Variants in ZNF678 observed in about 807,000 individuals in gnomAD.
ZNF678 encodes the protein hypothetical protein MGC42493.
Under a neutral mutation model 3.0 loss-of-function variants are expected in ZNF678, and 5 were observed. The ratio of observed to expected loss-of-function variants is 1.69; its 90% confidence interval spans 0.88 to 3.56. The LOEUF is 3.56. Ranked by LOEUF, ZNF678 falls within the 30% of genes most tolerant of loss-of-function variation. The probability of loss-of-function intolerance (pLI) is 0.00; values close to 1 mark genes in which losing one functional copy is unlikely to be tolerated. For missense variants in ZNF678, 593 were observed against 605.0 expected (o/e 0.98, Z 0.21); for synonymous variants, 218 against 199.6 (o/e 1.09, Z -0.78).
chr1:227,602,236 G>C (rs773910123), intron 1 of ZNF678, among the ~76,000 whole-genome samples: 46 of 152,152 alleles, frequency 3.0e-4, no homozygotes, highest in Non-Finnish European at 5.3e-4. Context: ...TGCTGAATTT[G>C]ATAATTTGCC....
intron 1 of ZNF678, among the ~76,000 whole-genome samples, chr1:227,572,503 G>T (rs1656873702): frequency 6.6e-6 from 1 of 152,220 alleles, no homozygotes; most frequent in Non-Finnish European, 1.5e-5. Context: ...AGCAAAGGAG[G>T]TCGGTAAGGG....
At chr1:227,674,189 T>A (rs1436587543) in intron 5 of ZNF678, among the ~76,000 whole-genome samples, 1 of 152,234 alleles carries the variant, frequency 6.6e-6, no homozygotes, top group Non-Finnish European at 1.5e-5. Flanking sequence ...GGTGGTGGTT[T>A]AAGCCTTTAG....
intron 5 of ZNF678, among the ~76,000 whole-genome samples, chr1:227,669,541 C>A (rs1005157833): frequency 1.3e-5 from 2 of 151,408 alleles, no homozygotes; most frequent in Non-Finnish European, 2.9e-5. Flanking sequence ...CCCAGCTACT[C>A]AGGAGGCTGA....
intron 1 of ZNF678, chr1:227,599,077 T>G (rs1464769179): frequency 2.1e-5 from 33 of 1,597,520 alleles, no homozygotes; most frequent in Non-Finnish European, 2.8e-5. Context: ...TTGTTGGCCC[T>G]GAAGACTGGA....
chr1:227,579,849 T>G (rs1042765465), intron 1 of ZNF678, among the ~76,000 whole-genome samples: 4 of 152,168 alleles, frequency 2.6e-5, no homozygotes, highest in African/African-American at 4.8e-5. Context: ...CCTGGGCTGC[T>G]AAAGTCTCCT....
At chr1:227,606,454 G>A (rs1413966726) in intron 1 of ZNF678, among the ~76,000 whole-genome samples, 2 of 152,176 alleles carry the variant, frequency 1.3e-5, no homozygotes, top group African/African-American at 4.8e-5. Flanking sequence ...GCCACAGGGC[G>A]GTTTTCTCCT....
intron 1 of ZNF678, among the ~76,000 whole-genome samples, chr1:227,583,401 G>C (rs930169145): frequency 2.1e-5 from 3 of 143,876 alleles, no homozygotes; most frequent in African/African-American, 7.8e-5. Context: ...GCCCAGGCTG[G>C]AGTGCAGTGG....
intron 1 of ZNF678, among the ~76,000 whole-genome samples, chr1:227,619,377 A>G (rs1364188960): frequency 6.6e-6 from 1 of 152,318 alleles, no homozygotes; most frequent in South Asian, 2.1e-4. Flanking sequence ...CAGTTGCTCG[A>G]AAGTATAGTT....
intron 1 of ZNF678, among the ~76,000 whole-genome samples, chr1:227,589,027 A>G (rs531728461): frequency 4.6e-5 from 7 of 150,996 alleles, no homozygotes; most frequent in Non-Finnish European, 8.8e-5. Context: ...TTCCTTGTAG[A>G]CTCTGAATAT....
intron 1 of ZNF678, among the ~76,000 whole-genome samples, chr1:227,642,485 T>C (rs1266560116): frequency 6.6e-6 from 1 of 152,164 alleles, no homozygotes; most frequent in East Asian, 1.9e-4. Context: ...ACATGTGAAC[T>C]CTTACTAGAG....
chr1:227,579,927 C>G (rs1358300837), intron 1 of ZNF678, among the ~76,000 whole-genome samples: 1 of 152,182 alleles, frequency 6.6e-6, no homozygotes, highest in Non-Finnish European at 1.5e-5. Context: ...GCTTCTTTAT[C>G]AAACCCTTTG....
At chr1:227,599,655 A>T (rs1465098030) in intron 1 of ZNF678, among the ~76,000 whole-genome samples, 5 of 151,754 alleles carry the variant, frequency 3.3e-5, no homozygotes, top group African/African-American at 4.8e-5. Context: ...CTATTAGAGA[A>T]TTTTTTTTTC....
At chr1:227,640,320 G>A (rs1658787848) in intron 1 of ZNF678, among the ~76,000 whole-genome samples, 1 of 152,076 alleles carries the variant, frequency 6.6e-6, no homozygotes, top group Non-Finnish European at 1.5e-5. Context: ...CTGGGAAGAT[G>A]GCTGAGAAGA....
intron 1 of ZNF678, among the ~76,000 whole-genome samples, chr1:227,596,658 G>C (rs1426420225): frequency 6.6e-6 from 1 of 152,192 alleles, no homozygotes; most frequent in Non-Finnish European, 1.5e-5. Context: ...TCCCTTAGCT[G>C]TAGGTGTGCA....
intron 1 of ZNF678, among the ~76,000 whole-genome samples, chr1:227,608,519 A>G (rs1160584339): frequency 6.6e-6 from 1 of 152,148 alleles, no homozygotes; most frequent in African/African-American, 2.4e-5. Flanking sequence ...TACATATTAA[A>G]AATCATCACA....
rs201696778 is a variant in ZNF678 at position 227,650,953 on chromosome 1, T to C, written c.-36-3T>C. On this transcript the variant is annotated splice_polypyrimidine_tract_variant and splice_region_variant and intron_variant, in intron 2 of 3. Transcript: ENST00000343776. ...AATTTTCTTGCCTAATTGTTCTGTC[T>C]AGGACTTCCAGGACTATGTTAAAAT... is the stretch of plus-strand genomic sequence containing the variant. The C allele has an allele frequency of 1.9e-4, 298 of 1,606,912 alleles. 1 individual carries two copies. In the Middle Eastern group the frequency reaches 2.9e-3, roughly 16 times the overall value.
intron 3 of ZNF678, among the ~76,000 whole-genome samples, chr1:227,653,924 C>T (rs1659149134): frequency 6.6e-6 from 1 of 152,014 alleles, no homozygotes; most frequent in Admixed American, 6.6e-5. Flanking sequence ...CCCTAAAAGC[C>T]AGAAGTATGG....
chr1:227,654,171 A>G (rs540757785), intron 3 of ZNF678, among the ~76,000 whole-genome samples, 165 bp from the exon 4 acceptor site: 1 of 152,150 alleles, frequency 6.6e-6, no homozygotes, highest in Admixed American at 6.6e-5. Context: ...CATTTTGGTC[A>G]GTATATTTTT....
At chr1:227,667,639 C>G (rs568947063) in intron 5 of ZNF678, among the ~76,000 whole-genome samples, 2 of 152,258 alleles carry the variant, frequency 1.3e-5, no homozygotes, top group South Asian at 2.1e-4. Flanking sequence ...TAAGCAAGAT[C>G]AAATATTTCT....
Sources: gnomAD v4.1 joint callset for allele counts (sites outside exome capture counted in the v4.1 genomes callset) on GRCh38, gnomAD v4.1.1 for gene constraint, MANE v1.5 for transcripts, NCBI Gene and HGNC (gene_info 2026-07-23, HGNC 2026-07-21) for gene names.